SQOR: variants seen among roughly 807,000 people sequenced by gnomAD.
The protein encoded by SQOR is sulfide quinone oxidoreductase.
SQOR carries 39 observed loss-of-function variants against 48.6 expected under a neutral mutation model. That is an observed-to-expected ratio of 0.80 (90% CI 0.62 to 1.05). The LOEUF is 1.05. SQOR is among the 50% of genes least tolerant of loss of function. The probability of loss-of-function intolerance (pLI) is 0.00; values close to 1 mark genes in which losing one functional copy is unlikely to be tolerated. For synonymous variants in SQOR, 220 were observed against 206.2 expected, an observed-to-expected ratio of 1.07 and a Z score of -0.57; for missense variants, 561 against 559.9, an observed-to-expected ratio of 1.00 and a Z score of -0.02.
intron 2 of SQOR, among the ~76,000 whole-genome samples, chr15:45,661,483 C>T (rs1889720214): frequency 6.6e-6 from 1 of 152,022 alleles, no homozygotes; most frequent in African/African-American, 2.4e-5. Flanking sequence ...TTGGGAAACA[C>T]AGTTGGAAGT....
intron 1 of SQOR, among the ~76,000 whole-genome samples, chr15:45,635,960 C>T (rs930512363): frequency 1.3e-5 from 2 of 151,968 alleles, no homozygotes; most frequent in African/African-American, 4.8e-5. Context: ...CTCAGCCTGC[C>T]GAGTAACTGG....
intron 7 of SQOR, among the ~76,000 whole-genome samples, chr15:45,687,986 G>T (rs1213092964): frequency 6.6e-6 from 1 of 152,156 alleles, no homozygotes; most frequent in Admixed American, 6.5e-5. Flanking sequence ...AGGGACACAG[G>T]GATAACCCAC....
chr15:45,683,796 T>G (rs1032624939), intron 7 of SQOR, among the ~76,000 whole-genome samples: 3 of 152,120 alleles, frequency 2.0e-5, no homozygotes, highest in African/African-American at 7.2e-5. Context: ...TTATTAATAT[T>G]TTGTGACATT....
chr15:45,678,362 G>A (rs947760839), intron 6 of SQOR, among the ~76,000 whole-genome samples: 4 of 152,140 alleles, frequency 2.6e-5, no homozygotes, highest in South Asian at 4.1e-4. Flanking sequence ...GTAAGCTCTT[G>A]GCATTCTTTC....
chr15:45,671,589 C>T (rs571265533), intron 4 of SQOR, among the ~76,000 whole-genome samples: 1 of 152,272 alleles, frequency 6.6e-6, no homozygotes, highest in South Asian at 2.1e-4. Flanking sequence ...TCTTTGATTG[C>T]AATTTCAAGG....
At chr15:45,672,637 G>T (rs530653381) in intron 4 of SQOR, among the ~76,000 whole-genome samples, 1 of 152,250 alleles carries the variant, frequency 6.6e-6, no homozygotes, top group African/African-American at 2.4e-5. Flanking sequence ...AGTTGAACCT[G>T]CTCTTGCTGA....
chr15:45,669,857 G>C (rs1889906994), intron 3 of SQOR, 71 bp from the exon 4 acceptor site: 1 of 1,314,576 alleles, frequency 7.6e-7, no homozygotes, highest in Non-Finnish European at 1.1e-6. Context: ...AACCACATCT[G>C]GGGCCTGAGT....
intron 1 of SQOR, among the ~76,000 whole-genome samples, chr15:45,645,472 T>C (rs1352411439): frequency 6.6e-6 from 1 of 152,172 alleles, no homozygotes; most frequent in Non-Finnish European, 1.5e-5. Context: ...AATGGGTAGA[T>C]TGAGCAAAAC....
chr15:45,681,460 C>T (rs1890126501), intron 6 of SQOR, among the ~76,000 whole-genome samples: 1 of 152,020 alleles, frequency 6.6e-6, no homozygotes, highest in African/African-American at 2.4e-5. Flanking sequence ...GTAATAAGTA[C>T]AAGTCATCTT....
At chr15:45,683,081 G>C (rs1890153380) in intron 7 of SQOR, among the ~76,000 whole-genome samples, 1 of 150,936 alleles carries the variant, frequency 6.6e-6, no homozygotes. Context: ...AATGAACCCA[G>C]TGTCATATAC....
chr15:45,648,721 G>A (rs1026716259), intron 1 of SQOR, among the ~76,000 whole-genome samples: 3 of 152,248 alleles, frequency 2.0e-5, no homozygotes, highest in Non-Finnish European at 4.4e-5. Flanking sequence ...CCCTGAGACA[G>A]GAAGCTACAG....
chr15:45,663,595 G>A (rs1889758787), intron 3 of SQOR, among the ~76,000 whole-genome samples: 1 of 151,886 alleles, frequency 6.6e-6, no homozygotes. Context: ...GTAAGACCCT[G>A]TCTCTACAAA....
intron 3 of SQOR, among the ~76,000 whole-genome samples, chr15:45,669,195 G>T (rs139003179): frequency 8.4e-4 from 124 of 148,248 alleles, no homozygotes; most frequent in African/African-American, 3.0e-3. Flanking sequence ...TTTGAGACAG[G>T]GTCTCACTCT....
chr15:45,673,243 A>G (rs16946803), intron 4 of SQOR, among the ~76,000 whole-genome samples: 10,666 of 152,290 alleles, frequency 0.07, 522 homozygotes, highest in East Asian at 0.25. Flanking sequence ...TCTTGATGAT[A>G]TAAATGGCTC....
intron 6 of SQOR, among the ~76,000 whole-genome samples, chr15:45,681,136 G>C (rs956917015): frequency 6.6e-6 from 1 of 152,186 alleles, no homozygotes; most frequent in Non-Finnish European, 1.5e-5. Context: ...CCAGGGGTTC[G>C]AGGCTGTAGT....
intron 2 of SQOR, among the ~76,000 whole-genome samples, chr15:45,659,824 C>T (rs1011890203): frequency 6.6e-6 from 1 of 152,204 alleles, no homozygotes; most frequent in Non-Finnish European, 1.5e-5. Context: ...GGGGTTAGAA[C>T]GTCAACATCC....
chr15:45,658,779 T>G, intron 1 of SQOR, 128 bp from the exon 2 acceptor site: 1 of 685,508 alleles, frequency 1.5e-6, no homozygotes, highest in South Asian at 2.3e-5. Flanking sequence ...GGGAAAGTGG[T>G]CTTGAGAGAT....
intron 1 of SQOR, among the ~76,000 whole-genome samples, chr15:45,635,962 A>G (rs1253309995): frequency 6.6e-6 from 1 of 151,968 alleles, no homozygotes; most frequent in Non-Finnish European, 1.5e-5. Context: ...CAGCCTGCCG[A>G]GTAACTGGGA....
At chr15:45,689,250 A>G (rs1890278871) in intron 9 of SQOR, 33 bp downstream of exon 9, 1 of 1,607,552 alleles carries the variant, frequency 6.2e-7, no homozygotes, top group Non-Finnish European at 8.5e-7. Flanking sequence ...GGATGAGGAA[A>G]GGGATTTGTA....
Sources: allele counts gnomAD v4.1 joint callset (sites outside exome capture counted in the v4.1 genomes callset), GRCh38; gene constraint gnomAD v4.1.1; transcripts MANE v1.5; gene names NCBI Gene and HGNC (gene_info 2026-07-23, HGNC 2026-07-21).